CLNK: variants seen among roughly 807,000 people sequenced by gnomAD.
CLNK encodes cytokine dependent hematopoietic cell linker.
Under a neutral mutation model 68.6 loss-of-function variants are expected in CLNK, and 74 were observed. That is an observed-to-expected ratio of 1.08 (90% CI 0.89 to 1.31). The LOEUF (loss-of-function observed/expected upper bound fraction) is 1.31. Among genes scored for constraint, CLNK ranks in the 50% most tolerant of loss-of-function variants. The pLI is 0.00. For missense variants in CLNK, 553 were observed against 515.3 expected (o/e 1.07, Z -0.71); for synonymous variants, 198 against 172.2 (o/e 1.15, Z -1.17).
chr4:10,563,910 A>T (rs1719996314), intron 7 of CLNK, among the ~76,000 whole-genome samples: 1 of 137,674 alleles, frequency 7.3e-6, no homozygotes, highest in African/African-American at 2.9e-5. Context: ...CCATCTCAAA[A>T]AAAGAAAAGA....
intron 4 of CLNK, among the ~76,000 whole-genome samples, chr4:10,578,725 C>T (rs777402818): frequency 6.6e-5 from 10 of 151,544 alleles, no homozygotes; most frequent in Non-Finnish European, 1.5e-4. Flanking sequence ...AGCAGCACCA[C>T]CACATCTGGC....
intron 18 of CLNK, among the ~76,000 whole-genome samples, chr4:10,500,050 C>T (rs1479340046): frequency 6.6e-6 from 1 of 152,146 alleles, no homozygotes; most frequent in African/African-American, 2.4e-5. Context: ...TGCACACCCC[C>T]AGATAAAACT....
chr4:10,646,483 A>T (rs1300096423), intron 2 of CLNK, among the ~76,000 whole-genome samples: 1 of 152,208 alleles, frequency 6.6e-6, no homozygotes, highest in African/African-American at 2.4e-5. Flanking sequence ...TTTCCAAGAC[A>T]TATTATCAGC....
chr4:10,587,790 C>A (rs934547530), intron 3 of CLNK, among the ~76,000 whole-genome samples: 1 of 152,180 alleles, frequency 6.6e-6, no homozygotes, highest in Non-Finnish European at 1.5e-5. Flanking sequence ...GGATTTGACA[C>A]CAGCCTATCT....
intron 1 of CLNK, among the ~76,000 whole-genome samples, chr4:10,670,010 GTGCT>G (rs1724567542): frequency 6.6e-6 from 1 of 152,188 alleles, no homozygotes; most frequent in Non-Finnish European, 1.5e-5. Flanking sequence ...TTCAGTTCCA[GTGCT>G]GCCATTAACT....
chr4:10,503,600 A>T (rs2109027028), intron 17 of CLNK, among the ~76,000 whole-genome samples: 1 of 148,490 alleles, frequency 6.7e-6, no homozygotes, highest in South Asian at 2.1e-4. Flanking sequence ...AATATTTATA[A>T]ATATAGATAT....
rs146127304 is a variant in CLNK at position 10,540,538 on chromosome 4, A to G, written c.558T>C (p.Pro186=). The G allele has an allele frequency of 1.3e-3, 2,175 of 1,613,830 alleles. 42 individuals carry two copies. In the East Asian group the frequency reaches 0.042, roughly 31 times the overall value. ...LPPEPESSRP[P]LSQRHTFPEV... ...CTGGAAAGGTGTGTCTCTGAGATAA[A>G]GGTGGCCTGCTGCTCTCCGGCTCAG... is the stretch of plus-strand genomic sequence containing the variant. The change falls in exon 11 of 19, where the codon CCT becomes CCC. Residue 186 remains proline, a synonymous_variant. Transcript: ENST00000226951.
intron 4 of CLNK, among the ~76,000 whole-genome samples, chr4:10,577,656 G>A (rs1308911492): frequency 1.3e-5 from 2 of 151,886 alleles, no homozygotes; most frequent in African/African-American, 2.4e-5. Context: ...ACGATTTCAG[G>A]CTGTAAGATT....
At chr4:10,653,464 G>A (rs1038159075) in intron 2 of CLNK, among the ~76,000 whole-genome samples, 1 of 151,936 alleles carries the variant, frequency 6.6e-6, no homozygotes, top group Non-Finnish European at 1.5e-5. Context: ...TCAGTGACAA[G>A]GTAGTAAAAA....
intron 3 of CLNK, among the ~76,000 whole-genome samples, chr4:10,587,753 C>A (rs1216274129): frequency 6.6e-6 from 1 of 152,146 alleles, no homozygotes; most frequent in Non-Finnish European, 1.5e-5. Flanking sequence ...TACAACTTGC[C>A]CAATCCACAG....
chr4:10,642,280 G>A (rs4543108), intron 2 of CLNK, among the ~76,000 whole-genome samples: 49,827 of 152,040 alleles, frequency 0.33, 9,396 homozygotes, highest in African/African-American at 0.52. Flanking sequence ...GAATTGTGCT[G>A]CATCATGCAG....
At chr4:10,697,258 C>G in the CLNK span, 1 of 152,176 alleles carries the variant, frequency 6.6e-6, no homozygotes, top group Non-Finnish European at 1.5e-5. Flanking sequence ...CGTGCCTTCT[C>G]TCACCCCAAA....
intron 16 of CLNK, among the ~76,000 whole-genome samples, chr4:10,509,559 T>C (rs1488852708): frequency 6.6e-6 from 1 of 151,988 alleles, no homozygotes; most frequent in Non-Finnish European, 1.5e-5. Flanking sequence ...AATTTTGCTC[T>C]TGTTGCCCTG....
chr4:10,501,271 T>C lies in CLNK; in HGVS notation c.1125A>G (p.Gly375=). ...ERNQQFALGT[G]LRGDEKFDSV... ...TTATACCCACCTCATCTCCTCTGAG[T>C]CCTGTCCCCAGGGCAAACTGCTGAT... Residue 375 remains glycine, a synonymous_variant, in exon 18 of 19, where the codon GGA becomes GGG. Coordinates refer to ENST00000226951, the MANE Select transcript of CLNK (RefSeq NM_052964.4). 1 of 1,594,276 alleles carries C rather than the reference T, an allele frequency of 6.3e-7. No homozygotes were observed. Among genetic ancestry groups the C allele is most frequent in the Non-Finnish European group, 8.5e-7 (1 of 1,174,014 alleles).
At chr4:10,731,477 CT>C in the CLNK span, among the ~76,000 whole-genome samples, 16 of 152,238 alleles carry the variant, frequency 1.1e-4, no homozygotes, top group African/African-American at 3.6e-4. Context: ...AATTCTCAGG[CT>C]TTTTCTATAA....
At chr4:10,676,061 GTGTGTGTGTGTGTGTGTCTA>G (rs78586210) in intron 1 of CLNK, among the ~76,000 whole-genome samples, 5,812 of 151,574 alleles carry the variant, frequency 0.038, 163 homozygotes, top group Middle Eastern at 0.099. Context: ...GTGTGTGTGT[GTGTGTGTGTGTGTGTGTCTA>G]TGTGTGTGTG....
chr4:10,669,683 C>A (rs1201298750), intron 1 of CLNK, among the ~76,000 whole-genome samples: 3 of 152,122 alleles, frequency 2.0e-5, no homozygotes, highest in Non-Finnish European at 4.4e-5. Context: ...TACTCATAAC[C>A]CATACTAAAG....
chr4:10,598,431 T>A (rs771228172), intron 2 of CLNK, among the ~76,000 whole-genome samples: 9 of 152,206 alleles, frequency 5.9e-5, no homozygotes, highest in Non-Finnish European at 1.3e-4. Flanking sequence ...ACATGGTTGA[T>A]GAGAGGCTGT....
chr4:10,592,793 T>C (rs1185033944), intron 3 of CLNK, among the ~76,000 whole-genome samples: 1 of 152,102 alleles, frequency 6.6e-6, no homozygotes, highest in Non-Finnish European at 1.5e-5. Context: ...TGAGGTGATG[T>C]CAGCTCACTG....
Sources: allele counts gnomAD v4.1 joint callset (sites outside exome capture counted in the v4.1 genomes callset), GRCh38; gene constraint gnomAD v4.1.1; transcripts MANE v1.5; gene names NCBI Gene and HGNC (gene_info 2026-07-23, HGNC 2026-07-21).